TTC28: variants seen among roughly 807,000 people sequenced by gnomAD.
The protein encoded by TTC28 is tetratricopeptide repeat protein 28.
TTC28 carries 61 observed loss-of-function variants against 198.0 expected under a neutral mutation model. The ratio of observed to expected loss-of-function variants is 0.31; its 90% CI spans 0.25 to 0.38. The LOEUF is 0.38. TTC28 is among the 10% of genes least tolerant of loss of function. The pLI, the probability that TTC28 is intolerant of heterozygous loss-of-function variation, is 1.00. For synonymous variants in TTC28, 1,171 were observed against 1,297.8 expected, an observed-to-expected ratio of 0.90 and a Z score of 2.10; for missense variants, 2,678 against 3,164.0, an observed-to-expected ratio of 0.85 and a Z score of 3.69.
At chr22:28,345,713 A>G (rs1425826468) in intron 2 of TTC28, among the ~76,000 whole-genome samples, 1 of 152,234 alleles carries the variant, frequency 6.6e-6, no homozygotes, top group Admixed American at 6.5e-5. Context: ...AGAAATCAGA[A>G]CTTAAAACCC....
At chr22:28,290,366 A>C (rs2044764956) in intron 5 of TTC28, among the ~76,000 whole-genome samples, 1 of 152,206 alleles carries the variant, frequency 6.6e-6, no homozygotes, top group African/African-American at 2.4e-5. Flanking sequence ...ACTTATATAA[A>C]ATTGAAGATG....
chr22:28,231,550 A>G (rs532763892), intron 5 of TTC28, among the ~76,000 whole-genome samples: 122 of 152,336 alleles, frequency 8.0e-4, no homozygotes, highest in African/African-American at 2.8e-3. Flanking sequence ...TCATGTCTGT[A>G]GATCACAGCA....
intron 12 of TTC28, among the ~76,000 whole-genome samples, chr22:28,037,874 A>G (rs1442629249): frequency 6.6e-6 from 1 of 152,188 alleles, no homozygotes; most frequent in East Asian, 1.9e-4. Context: ...TACACCAAAA[A>G]CAGACAAACA....
chr22:28,053,464 A>G (rs540241545), intron 12 of TTC28, among the ~76,000 whole-genome samples: 1 of 152,382 alleles, frequency 6.6e-6, no homozygotes, highest in East Asian at 1.9e-4. Context: ...GACAAATTAC[A>G]ATAATCTGCA....
chr22:28,662,283 G>A (rs530356375), intron 1 of TTC28, among the ~76,000 whole-genome samples: 21 of 152,266 alleles, frequency 1.4e-4, no homozygotes, highest in East Asian at 7.7e-4. Flanking sequence ...CAAGTCTAGC[G>A]TTTAGTAGCA....
intron 5 of TTC28, among the ~76,000 whole-genome samples, chr22:28,225,056 A>G (rs1928187189): frequency 6.6e-6 from 1 of 152,134 alleles, no homozygotes; most frequent in African/African-American, 2.4e-5. Flanking sequence ...TAAACCTTAC[A>G]GACTACTGCC....
At chr22:28,487,080 G>GT (rs1236563507) in intron 2 of TTC28, among the ~76,000 whole-genome samples, 2 of 152,030 alleles carry the variant, frequency 1.3e-5, no homozygotes, top group Non-Finnish European at 2.9e-5. Context: ...TACCACAGAG[G>GT]TAAGACTTAT....
chr22:28,389,180 C>A (rs1378764225), intron 2 of TTC28, among the ~76,000 whole-genome samples: 2 of 152,188 alleles, frequency 1.3e-5, no homozygotes, highest in Non-Finnish European at 2.9e-5. Flanking sequence ...ACTTGCATCA[C>A]AGGGATGAGG....
chr22:28,047,664 A>G (rs958131053), intron 12 of TTC28, among the ~76,000 whole-genome samples: 1 of 152,178 alleles, frequency 6.6e-6, no homozygotes, highest in Non-Finnish European at 1.5e-5. Context: ...AGTGGGTGGC[A>G]GAGGAGGTGG....
At chr22:28,606,403 T>C (rs1569055388) in intron 2 of TTC28, among the ~76,000 whole-genome samples, 1 of 152,180 alleles carries the variant, frequency 6.6e-6, no homozygotes, top group Non-Finnish European at 1.5e-5. Context: ...GTCAATTTTT[T>C]AATTGTTCTA....
chr22:27,998,460 C>T (rs1294936007), intron 16 of TTC28, 80 bp downstream of exon 16: 1 of 1,476,990 alleles, frequency 6.8e-7, no homozygotes, highest in African/African-American at 1.4e-5. Context: ...TCCCCAACCC[C>T]ACTGGCAGAA....
intron 5 of TTC28, among the ~76,000 whole-genome samples, 186 bp downstream of exon 5, chr22:28,296,011 AG>A (rs2044887136): frequency 6.6e-6 from 1 of 152,176 alleles, no homozygotes; most frequent in African/African-American, 2.4e-5. Context: ...TATATATCCA[AG>A]GACTATGCTT....
intron 5 of TTC28, among the ~76,000 whole-genome samples, chr22:28,238,078 T>C (rs2147245402): frequency 6.6e-6 from 1 of 152,300 alleles, no homozygotes; most frequent in Admixed American, 6.5e-5. Context: ...TGCCTAGTTG[T>C]GACTTACTTT....
At chr22:28,367,682 G>A (rs2046270402) in intron 2 of TTC28, among the ~76,000 whole-genome samples, 1 of 151,576 alleles carries the variant, frequency 6.6e-6, no homozygotes, top group Non-Finnish European at 1.5e-5. Context: ...GCCAGACTAA[G>A]AAAAAAGAGA....
chr22:28,351,999 G>A (rs921110085), intron 2 of TTC28, among the ~76,000 whole-genome samples: 6 of 151,958 alleles, frequency 3.9e-5, no homozygotes, highest in Non-Finnish European at 7.4e-5. Flanking sequence ...CTGTGTGTTC[G>A]TTTCTAGATA....
chr22:28,606,327 G>A (rs986352396), intron 2 of TTC28, among the ~76,000 whole-genome samples: 2 of 151,954 alleles, frequency 1.3e-5, no homozygotes, highest in Non-Finnish European at 2.9e-5. Context: ...CTGACCTCGC[G>A]ATCCACCTGC....
chr22:28,330,802 T>C (rs2045602519), intron 2 of TTC28, among the ~76,000 whole-genome samples: 1 of 152,136 alleles, frequency 6.6e-6, no homozygotes, highest in Admixed American at 6.6e-5. Context: ...TGGGGAAATA[T>C]ATAAATGCTG....
At chr22:28,536,676 T>C (rs1445076101) in intron 2 of TTC28, among the ~76,000 whole-genome samples, 3 of 152,284 alleles carry the variant, frequency 2.0e-5, no homozygotes, top group South Asian at 2.1e-4. Context: ...ATAAATGTAA[T>C]AGTCTGTCCT....
chr22:28,598,663 T>C (rs2050584717), intron 2 of TTC28, among the ~76,000 whole-genome samples: 1 of 152,132 alleles, frequency 6.6e-6, no homozygotes, highest in African/African-American at 2.4e-5. Flanking sequence ...ATGGCAACAA[T>C]TTATGTCAAA....
Sources: allele counts gnomAD v4.1 joint callset (sites outside exome capture counted in the v4.1 genomes callset), GRCh38; gene constraint gnomAD v4.1.1; transcripts MANE v1.5; gene names NCBI Gene and HGNC (gene_info 2026-07-23, HGNC 2026-07-21).